The following UBE4B variants were observed in gnomAD, a reference collection of about 807,000 sequenced individuals.
UBE4B encodes the protein ubiquitin conjugation factor E4 B.
In UBE4B, 27 loss-of-function variants were observed where a neutral mutation model predicts 148.1. The ratio of observed to expected loss-of-function variants is 0.18; its 90% confidence interval spans 0.13 to 0.25. The LOEUF (loss-of-function observed/expected upper bound fraction) is 0.25, where lower values mean the gene tolerates loss of function less well. UBE4B is among the 10% of genes least tolerant of loss of function. UBE4B has a pLI of 1.00. For synonymous variants in UBE4B, 596 were observed against 619.3 expected, an observed-to-expected ratio of 0.96 and a Z score of 0.56; for missense variants, 1,170 against 1,662.4, an observed-to-expected ratio of 0.70 and a Z score of 5.15.
chr1:10,072,114 T>C lies in UBE4B; in HGVS notation c.111T>C (p.Pro37=), dbSNP rs927993062. 1.4e-5 allele frequency: 22 copies of C among 1,613,582 alleles called. No homozygotes were observed. Among genetic ancestry groups the C allele is most frequent in the Non-Finnish European group, 1.8e-5 (21 of 1,179,830 alleles). ...TPLTSPQREN[P]PGPPIAASAP... ...TCACCTCTCCCCAGAGGGAGAACCCTCCGGGGCCTCCCATAGCGGCATCAG... is the reference window on the plus strand; with the variant it reads ...TCACCTCTCCCCAGAGGGAGAACCCCCCGGGGCCTCCCATAGCGGCATCAG... Residue 37 remains proline (P), a synonymous_variant, in exon 2 of 28, where the codon CCT becomes CCC. Transcript: ENST00000343090.
At chr1:10,131,827 C>T (rs1055873199) in intron 14 of UBE4B, among the ~76,000 whole-genome samples, 1 of 152,178 alleles carries the variant, frequency 6.6e-6, no homozygotes, top group Non-Finnish European at 1.5e-5. Flanking sequence ...GTGGCGGGTG[C>T]CTGTAATCCC....
At chr1:10,127,295 T>C (rs1278373865) in intron 11 of UBE4B, among the ~76,000 whole-genome samples, 1 of 152,256 alleles carries the variant, frequency 6.6e-6, no homozygotes. Context: ...GTGTTTACTT[T>C]GTGCAGAAAA....
Position 10,106,683 on chromosome 1 carries a change from T to C in UBE4B, c.1196+100T>C. The C allele has an allele frequency of 1.4e-6, 2 of 1,423,846 alleles. No individual in the cohort carries two copies. The highest frequency in any genetic ancestry group is 1.4e-5 in the African/African-American group (1 of 69,664). 88.2% of individuals were successfully genotyped at this position (1,423,846 alleles called of 1,614,324 possible). A position where few individuals can be genotyped will look rare whatever the true frequency, so the allele number is the denominator to read the frequency against. On this transcript the variant is annotated intron_variant, in intron 7 of 27. Transcript: ENST00000343090. This position sits in a 1 kb window ranked among gnomAD's most constrained non-coding sequence, Gnocchi z 4.2. ...GCTGTGTGACACTGACTCTGTTAAA[T>C]TGTTGTTTTGGGTTATTAACCTGTG...
intron 1 of UBE4B, among the ~76,000 whole-genome samples, chr1:10,036,502 C>A (rs1643540040): frequency 6.9e-6 from 1 of 144,416 alleles, no homozygotes; most frequent in African/African-American, 2.5e-5. Context: ...TTTAAAAAAT[C>A]TTTTTTTTTT....
chr1:10,054,208 A>T (rs1213282370), intron 1 of UBE4B, among the ~76,000 whole-genome samples: 1 of 152,176 alleles, frequency 6.6e-6, no homozygotes, highest in East Asian at 1.9e-4. Flanking sequence ...AATATTTTGT[A>T]AGTAATATCT....
chr1:10,121,291 G>A (rs1263659949), intron 9 of UBE4B, among the ~76,000 whole-genome samples: 1 of 152,064 alleles, frequency 6.6e-6, no homozygotes, highest in African/African-American at 2.4e-5. Flanking sequence ...GGAGGCGGAG[G>A]TTGCAGTGAG....
At chr1:10,126,336 TAGATAGATAG>T (rs1645495531) in intron 10 of UBE4B, among the ~76,000 whole-genome samples, 1 of 151,976 alleles carries the variant, frequency 6.6e-6, no homozygotes, top group Non-Finnish European at 1.5e-5. Flanking sequence ...GATAGATAGA[TAGATAGATAG>T]ATAGATAGAA....
At chr1:10,177,685 A>G (rs192020252) in intron 25 of UBE4B, among the ~76,000 whole-genome samples, 60 of 151,890 alleles carry the variant, frequency 4.0e-4, no homozygotes, top group African/African-American at 1.4e-3. Flanking sequence ...ATAGTAAAAC[A>G]TATATGGCAA....
intron 1 of UBE4B, among the ~76,000 whole-genome samples, chr1:10,057,412 T>G (rs1052945012): frequency 1.3e-5 from 2 of 150,608 alleles, no homozygotes; most frequent in Admixed American, 6.6e-5. Context: ...CCATTTACAG[T>G]CTTTTCTCTT....
intron 17 of UBE4B, among the ~76,000 whole-genome samples, chr1:10,144,599 G>A (rs574456229): frequency 6.6e-6 from 1 of 152,182 alleles, no homozygotes; most frequent in Admixed American, 6.6e-5. Flanking sequence ...GCTGGGCATG[G>A]TGGTGAGCAC....
chr1:10,040,863 G>A (rs929551312), intron 1 of UBE4B, among the ~76,000 whole-genome samples: 5 of 151,934 alleles, frequency 3.3e-5, no homozygotes, highest in Admixed American at 2.0e-4. Context: ...TAGGTGATCT[G>A]CCTGCCTCAG....
chr1:10,123,761 G>GTTGTTTTGTT (rs901948982), intron 10 of UBE4B, among the ~76,000 whole-genome samples: 1 of 151,982 alleles, frequency 6.6e-6, no homozygotes, highest in Middle Eastern at 3.2e-3. Context: ...AACCACCGTT[G>GTTGTTTTGTT]TTGTTTTGTT....
rs1557556701 is a variant in UBE4B, at chr1:10,105,489, CTGTTCTT to C, written c.581-20_581-14del. The C allele has an allele frequency of 1.9e-6, 3 of 1,607,542 alleles. No homozygotes were observed. In the South Asian group the frequency reaches 3.3e-5, roughly 18 times the overall value. On this transcript the variant is annotated intron_variant, in intron 5 of 27. Transcript: ENST00000343090. ...AACCTGTGTTCGAACTGTGTGTAAC[CTGTTCTT>C]TGTTCTGCCTTTCCAACAGTATTCT...
Position 10,132,384 on chromosome 1 carries a change from A to G in UBE4B, c.1927A>G (p.Ile643Val). Residue 643 changes from isoleucine (I) to valine (V), a missense_variant, in exon 15 of 28, where the codon ATT (isoleucine) becomes GTT (valine). Ile to Val is a conservative substitution (Grantham distance 29). Around this residue, in one of 6 missense-constraint regions of UBE4B, gnomAD observed 388 missense variants for 536.0 expected, o/e 0.72. Coordinates refer to ENST00000343090, the MANE Select transcript of UBE4B (RefSeq NM_001105562.3). ...LELGRQELFK[I>V]LHSILLNGET... ...TAAATTTCAGCAAGAGCTTTTTAAGATTCTGCATAGTATTTTGTTAAATGG... is the reference window on the plus strand; with the variant it reads ...TAAATTTCAGCAAGAGCTTTTTAAGGTTCTGCATAGTATTTTGTTAAATGG... The G allele has an allele frequency of 6.2e-7, 1 of 1,613,026 alleles. No individual in the cohort carries two copies. Among genetic ancestry groups the G allele is most frequent in the Non-Finnish European group, 8.5e-7 (1 of 1,179,704 alleles).
chr1:10,133,975 G>C (rs771001830), intron 15 of UBE4B, among the ~76,000 whole-genome samples: 8 of 151,856 alleles, frequency 5.3e-5, no homozygotes, highest in African/African-American at 1.9e-4. Context: ...ACTTAAGCCC[G>C]GGAGGTTGAG....
At chr1:10,129,297 G>A (rs1458393421) in intron 11 of UBE4B, 95 bp from the exon 12 acceptor site, 15 of 1,200,148 alleles carry the variant, frequency 1.2e-5, no homozygotes, top group Non-Finnish European at 1.6e-5. Flanking sequence ...TAGAGGGAAC[G>A]AATTTATAGC....
chr1:10,140,349 G>A (rs1645764827), intron 17 of UBE4B, among the ~76,000 whole-genome samples: 1 of 152,092 alleles, frequency 6.6e-6, no homozygotes, highest in Non-Finnish European at 1.5e-5. Context: ...TGTGTCTTTT[G>A]AAGTTTATTG....
Position 10,168,284 on chromosome 1 carries a change from C to G in UBE4B, c.3333+14C>G. The G allele has an allele frequency of 6.2e-7, 1 of 1,613,348 alleles. No individual in the cohort carries two copies. Among genetic ancestry groups the G allele is most frequent in the South Asian group, 1.1e-5 (1 of 90,940 alleles). On this transcript the variant is annotated intron_variant, in intron 24 of 27. Coordinates refer to ENST00000343090, the MANE Select transcript of UBE4B (RefSeq NM_001105562.3). The surrounding 1 kb of genome is among the most constrained non-coding windows in gnomAD (Gnocchi z 4.9). ...TTCCTCAGACCGGTGAGTAGAAACC[C>G]GGGGCTCTGTTTGGTGGTTTGGACT...
At chr1:10,169,495 G>A (rs996918386) in intron 24 of UBE4B, among the ~76,000 whole-genome samples, 14 of 152,150 alleles carry the variant, frequency 9.2e-5, no homozygotes, top group African/African-American at 2.7e-4. Context: ...CATGGAACAC[G>A]AAACAAAACA....
Sources: allele counts gnomAD v4.1 joint callset (sites outside exome capture counted in the v4.1 genomes callset), GRCh38; gene constraint gnomAD v4.1.1; regional missense constraint gnomAD v4.1.1; non-coding constraint Gnocchi (gnomAD v3.1); transcripts MANE v1.5; gene names NCBI Gene and HGNC (gene_info 2026-07-23, HGNC 2026-07-21).